POGZ: variants seen among roughly 807,000 people sequenced by gnomAD.
The protein encoded by POGZ is pogo transposable element with ZNF domain.
POGZ carries 17 observed loss-of-function variants against 134.6 expected under a neutral mutation model. The ratio of observed to expected loss-of-function variants is 0.13; its 90% CI spans 0.09 to 0.19. The LOEUF (loss-of-function observed/expected upper bound fraction) is 0.19, where lower values mean the gene tolerates loss of function less well. Among genes scored for constraint, POGZ ranks in the 10% least tolerant of loss-of-function variants. The probability of loss-of-function intolerance (pLI) is 1.00; values close to 1 mark genes in which losing one functional copy is unlikely to be tolerated. For missense variants in POGZ, 1,306 were observed against 1,769.7 expected (o/e 0.74, Z 4.70); for synonymous variants, 693 against 657.1 (o/e 1.05, Z -0.84).
Position 151,406,177 on chromosome 1 carries a change from T to C in POGZ, c.2858A>G (p.Gln953Arg), listed in dbSNP as rs1321242036. Residue 953 changes from glutamine to arginine, a missense_variant, in exon 19 of 19, where the codon CAA becomes CGA. Physicochemically the swap from Gln to Arg is conservative, Grantham distance 43. This residue lies in a region of POGZ where 214 missense variants were observed against 255.5 expected (regional missense o/e 0.84). Transcript: ENST00000271715. ...DDQDEGSPVT[Q>R]EPELASGGGG... Reference sequence around the variant, plus strand: ...ACCACCTGATGCTAGCTCAGGTTCTTGGGTGACTGGGCTCCCTTCATCCTG... The same window carrying C: ...ACCACCTGATGCTAGCTCAGGTTCTCGGGTGACTGGGCTCCCTTCATCCTG... The C allele has an allele frequency of 2.5e-6, 4 of 1,614,060 alleles. No homozygotes were observed. Among genetic ancestry groups the C allele is most frequent in the Non-Finnish European group, 3.4e-6 (4 of 1,180,018 alleles).
rs1435562135 is a variant in POGZ, at chr1:151,423,441, A to C, written c.1634T>G (p.Leu545Arg). Residue 545 changes from leucine to arginine, a missense_variant, in exon 10 of 19, where the codon CTT becomes CGT. By Grantham distance (102) the Leu-to-Arg change is moderately radical. This residue lies in a region of POGZ where 541 missense variants were observed against 680.5 expected (regional missense o/e 0.80). Coordinates refer to ENST00000271715, the MANE Select transcript of POGZ (RefSeq NM_015100.4). ...ATGAACATTTTCCAAGTGGCACTGAAGCTGGAAGGGAGTGGAAAACTGGCG... is the reference window on the plus strand; with the variant it reads ...ATGAACATTTTCCAAGTGGCACTGACGCTGGAAGGGAGTGGAAAACTGGCG... ...CYRQFSTPFQ[L>R]QCHLENVHSP... The C allele has an allele frequency of 6.2e-7, 1 of 1,614,028 alleles. No homozygotes were observed. Among genetic ancestry groups the C allele is most frequent in the Non-Finnish European group, 8.5e-7 (1 of 1,179,984 alleles).
At position 151,405,936 on chromosome 1, in the gene POGZ, C is replaced by G; in HGVS notation, c.3099G>C (p.Glu1033Asp). 1 of 1,614,212 alleles carries G rather than the reference C, an allele frequency of 6.2e-7. No individual in the cohort carries two copies. Among genetic ancestry groups the G allele is most frequent in the Non-Finnish European group, 8.5e-7 (1 of 1,180,030 alleles). The change falls in exon 19 of 19, where the codon GAG becomes GAC. Residue 1033 changes from glutamate (E) to aspartate (D), a missense_variant. Glu to Asp is a conservative substitution (Grantham distance 45). Around this residue, in one of 10 missense-constraint regions of POGZ, gnomAD observed 24 missense variants for 69.6 expected, o/e 0.34. Transcript: ENST00000271715. The surrounding 1 kb of genome is among the most constrained non-coding windows in gnomAD (Gnocchi z 4.9). ...LSFEAEEKLA[E>D]WVLTQREQQL... ...GTTGTTCGCGCTGGGTTAGCACCCA[C>G]TCAGCCAGTTTCTCTTCTGCCTCAA...
intron 3 of POGZ, among the ~76,000 whole-genome samples, chr1:151,438,347 T>C (rs942854108): frequency 7.9e-5 from 12 of 152,214 alleles, no homozygotes; most frequent in African/African-American, 1.2e-4. Context: ...GGATGAATTT[T>C]TTTTTGGAAT....
Position 151,451,316 on chromosome 1 carries a change from A to C in POGZ, c.-2+7836T>G, listed in dbSNP as rs541855893. Among the ~76,000 whole-genome samples the C allele has an allele frequency of 1.8e-4, 28 of 151,844 alleles. 1 individual carries two copies. In the South Asian group the frequency reaches 5.8e-3, roughly 31 times the overall value. On this transcript the variant is annotated intron_variant, in intron 1 of 18. Transcript: ENST00000271715. ...TTAACCTGAATCAAATCAATTATTT[A>C]TTTATTTTATTTTTTTTTAAATTTT...
chr1:151,448,883 C>G, intron 1 of POGZ, among the ~76,000 whole-genome samples: 1 of 152,014 alleles, frequency 6.6e-6, no homozygotes, highest in South Asian at 2.1e-4. Flanking sequence ...AACAAACAAA[C>G]AAACACGCAA....
chr1:151,429,972 C>T (rs925106921), intron 4 of POGZ, among the ~76,000 whole-genome samples: 5 of 148,282 alleles, frequency 3.4e-5, no homozygotes, highest in African/African-American at 7.5e-5. Context: ...AAGAGAGCAT[C>T]GGCTTAAAAA....
intron 13 of POGZ, 25 bp downstream of exon 13, chr1:151,408,669 T>C (rs1235309657): frequency 4.3e-6 from 7 of 1,611,038 alleles, no homozygotes; most frequent in East Asian, 2.2e-5. Context: ...CCTGGGCCTA[T>C]AAAAGACACT....
Position 151,404,357 on chromosome 1 carries a change from T to A in POGZ, c.*445A>T. The A allele has an allele frequency of 1.0e-6, 1 of 986,256 alleles. No individual in the cohort carries two copies. The highest frequency in any genetic ancestry group is 1.2e-6 in the Non-Finnish European group (1 of 829,806). 61.1% of individuals were successfully genotyped at this position (986,256 alleles called of 1,614,324 possible). A position where few individuals can be genotyped will look rare whatever the true frequency, so the allele number is the denominator to read the frequency against. ...GAAATGTTCTCACATTAACAATGAT[T>A]AGATAGCATCATGCCCAAAGACATT... On this transcript the variant is annotated 3_prime_UTR_variant, in exon 19 of 19. Transcript: ENST00000271715.
At chr1:151,429,869 G>C (rs1246245333) in intron 4 of POGZ, among the ~76,000 whole-genome samples, 158 bp from the exon 5 acceptor site, 1 of 152,090 alleles carries the variant, frequency 6.6e-6, no homozygotes, top group Non-Finnish European at 1.5e-5. Context: ...AAAAATTTAG[G>C]AAATTCTGGC....
In POGZ at chr1:151,446,268, A is replaced by C. The variant is rs529143662; in HGVS notation, c.-1-4063T>G. 1.1e-3 allele frequency among the ~76,000 whole-genome samples: 152 copies of C among 135,522 alleles called. 1 individual carries two copies. The highest frequency in any genetic ancestry group is 3.6e-3 in the African/African-American group (140 of 39,326). 88.9% of individuals were successfully genotyped at this position (135,522 alleles called of 152,430 possible). Reference sequence around the variant, plus strand: ...TTTCTCATAAGGAAAAAAAAAAAAAAAAAAAACGAATTTTATTCCCTCTTC... The same window carrying C: ...TTTCTCATAAGGAAAAAAAAAAAAACAAAAAACGAATTTTATTCCCTCTTC... On this transcript the variant is annotated intron_variant, in intron 1 of 18. Coordinates refer to ENST00000271715, the MANE Select transcript of POGZ (RefSeq NM_015100.4).
chr1:151,455,190 T>C (rs12740875), intron 1 of POGZ: 23,830 of 152,114 alleles, frequency 0.16, 2,166 homozygotes, highest in East Asian at 0.34. Context: ...AATGTTACCA[T>C]ATTGATATTA....
At chr1:151,413,176 C>T (rs1049361819) in intron 10 of POGZ, among the ~76,000 whole-genome samples, 11 of 150,094 alleles carry the variant, frequency 7.3e-5, no homozygotes, top group Admixed American at 2.7e-4. Flanking sequence ...CATAGCTCAC[C>T]GCAGCCTCCT....
At chr1:151,428,949 C>T (rs984864255) in intron 5 of POGZ, among the ~76,000 whole-genome samples, 2 of 151,822 alleles carry the variant, frequency 1.3e-5, no homozygotes, top group African/African-American at 4.8e-5. Context: ...GACTTAAACC[C>T]CTATGGGCTA....
intron 12 of POGZ, 84 bp from the exon 13 acceptor site, chr1:151,408,912 T>C (rs929194665): frequency 2.1e-5 from 24 of 1,145,330 alleles, no homozygotes; most frequent in African/African-American, 6.1e-5. Context: ...AGCAGATCAA[T>C]GTCAACCATA....
intron 1 of POGZ, among the ~76,000 whole-genome samples, chr1:151,447,999 T>G (rs1331106173): frequency 6.6e-6 from 1 of 152,110 alleles, no homozygotes; most frequent in Non-Finnish European, 1.5e-5. Context: ...CAAGGAATGA[T>G]ACTGGTGGGG....
At chr1:151,426,566 T>G (rs1449929878) in intron 7 of POGZ, 1 of 152,208 alleles carries the variant, frequency 6.6e-6, no homozygotes. Flanking sequence ...ATATTCTGGA[T>G]ATTAACCCCT....
chr1:151,446,849 G>C (rs988784036), intron 1 of POGZ, among the ~76,000 whole-genome samples: 2 of 151,130 alleles, frequency 1.3e-5, no homozygotes, highest in Admixed American at 1.3e-4. Flanking sequence ...TTTCATACGA[G>C]TCTCTGAATC....
chr1:151,458,231 A>G (rs922969633), intron 1 of POGZ, among the ~76,000 whole-genome samples: 3 of 152,154 alleles, frequency 2.0e-5, no homozygotes, highest in African/African-American at 7.2e-5. Flanking sequence ...ACGGAAAACA[A>G]ATAGATCAAT....
At chr1:151,457,556 A>T (rs72710154) in intron 1 of POGZ, among the ~76,000 whole-genome samples, 6,301 of 152,206 alleles carry the variant, frequency 0.041, 175 homozygotes, top group Non-Finnish European at 0.067. Context: ...ATAGTGTCTC[A>T]AAATTAATCG....
Sources: gnomAD v4.1 joint callset for allele counts (sites outside exome capture counted in the v4.1 genomes callset) on GRCh38, gnomAD v4.1.1 for gene constraint, gnomAD v4.1.1 regional missense constraint, Gnocchi (gnomAD v3.1) non-coding constraint, MANE v1.5 for transcripts, NCBI Gene and HGNC (gene_info 2026-07-23, HGNC 2026-07-21) for gene names.